The following WWOX variants were observed in gnomAD, a reference collection of about 807,000 sequenced individuals.
WWOX encodes WW domain-containing oxidoreductase.
In WWOX, 69 loss-of-function variants were observed where a neutral mutation model predicts 46.2. The ratio of observed to expected loss-of-function variants is 1.49; its 90% confidence interval spans 1.23 to 1.82. The LOEUF is 1.82. Ranked by LOEUF, WWOX falls within the 40% of genes most tolerant of loss-of-function variation. The pLI is 0.00. For synonymous variants in WWOX, 359 were observed against 202.6 expected (o/e 1.77, Z -6.56); for missense variants, 919 against 542.6 (o/e 1.69, Z -6.89).
At chr16:78,540,301 A>G (rs1274777674) in intron 8 of WWOX, among the ~76,000 whole-genome samples, 1 of 151,672 alleles carries the variant, frequency 6.6e-6, no homozygotes, top group African/African-American at 2.4e-5. Flanking sequence ...GTGCAGGGTT[A>G]TCATGTATCT....
At chr16:79,189,781 T>C (rs966903788) in intron 8 of WWOX, among the ~76,000 whole-genome samples, 1 of 151,872 alleles carries the variant, frequency 6.6e-6, no homozygotes, top group Non-Finnish European at 1.5e-5. Context: ...TACACAGTTG[T>C]TACCTGCTCC....
At chr16:78,885,839 C>T (rs1013310452) in intron 8 of WWOX, among the ~76,000 whole-genome samples, 1 of 151,894 alleles carries the variant, frequency 6.6e-6, no homozygotes. Context: ...GCTGGCTTAC[C>T]TGCTGTATAA....
In WWOX at chr16:78,424,993, C is replaced by T; in HGVS notation, c.729C>T (p.Leu243=). ...HLGHFYLVQL[L]QDVLCRSAPA... is the part of the protein sequence containing the mutation. ...GGCACTTCTACCTTGTCCAGCTCCT[C>T]CAGGATGTTTTGTGCCGCTCAGCTC... The change falls in exon 7 of 9, where the codon CTC becomes CTT. Residue 243 remains leucine (L), a synonymous_variant. Coordinates refer to ENST00000566780, the MANE Select transcript of WWOX (RefSeq NM_016373.4). The T allele has an allele frequency of 6.2e-7, 1 of 1,614,158 alleles. No individual in the cohort carries two copies. The highest frequency in any genetic ancestry group is 8.5e-7 in the Non-Finnish European group (1 of 1,180,026).
At chr16:78,482,795 C>T (rs537131416) in intron 8 of WWOX, among the ~76,000 whole-genome samples, 5 of 152,230 alleles carry the variant, frequency 3.3e-5, no homozygotes, top group Admixed American at 1.3e-4. Context: ...AGACGCAGAA[C>T]GTATGTTTCA....
intron 6 of WWOX, among the ~76,000 whole-genome samples, chr16:78,402,660 C>G (rs75797589): frequency 1.6e-4 from 24 of 152,230 alleles, no homozygotes; most frequent in African/African-American, 5.8e-4. Context: ...GAGAAACTTA[C>G]AAGTCCACGA....
intron 8 of WWOX, among the ~76,000 whole-genome samples, chr16:78,616,572 C>G (rs1364324408): frequency 6.6e-6 from 1 of 151,662 alleles, no homozygotes; most frequent in Non-Finnish European, 1.5e-5. Context: ...GAGGTCGAGA[C>G]CAGCCTGGCT....
At chr16:79,119,255 G>T (rs2150672110) in intron 8 of WWOX, among the ~76,000 whole-genome samples, 1 of 152,180 alleles carries the variant, frequency 6.6e-6, no homozygotes, top group Non-Finnish European at 1.5e-5. Flanking sequence ...TGGGTTGAAA[G>T]AAGCAAATTT....
chr16:79,038,196 C>A (rs1014147046), intron 8 of WWOX, among the ~76,000 whole-genome samples: 4 of 152,102 alleles, frequency 2.6e-5, no homozygotes, highest in Non-Finnish European at 4.4e-5. Context: ...TCAGCTCACA[C>A]CCTGTTGGCC....
intron 8 of WWOX, among the ~76,000 whole-genome samples, chr16:79,198,677 C>T (rs1425733139): frequency 6.6e-6 from 1 of 152,194 alleles, no homozygotes; most frequent in Non-Finnish European, 1.5e-5. Flanking sequence ...ATTTCCCCAC[C>T]CCTACGTAGT....
chr16:78,958,623 A>G (rs879658064), intron 8 of WWOX, among the ~76,000 whole-genome samples: 1 of 152,228 alleles, frequency 6.6e-6, no homozygotes, highest in Non-Finnish European at 1.5e-5. Flanking sequence ...ATGCGAGTCC[A>G]TCCTTTTACC....
At chr16:79,177,077 C>T (rs1223958350) in intron 8 of WWOX, among the ~76,000 whole-genome samples, 3 of 152,158 alleles carry the variant, frequency 2.0e-5, no homozygotes, top group African/African-American at 2.4e-5. Flanking sequence ...AAAGTCCTTT[C>T]GAATATAAAA....
At chr16:78,455,345 T>C (rs1406624564) in intron 8 of WWOX, among the ~76,000 whole-genome samples, 1 of 152,028 alleles carries the variant, frequency 6.6e-6, no homozygotes, top group Non-Finnish European at 1.5e-5. Flanking sequence ...TAATCTAATA[T>C]TTTAAAAAAT....
rs542549461 is a variant in WWOX, at chr16:78,695,085, T to C, written c.1056+262333T>C. 7.6e-4 allele frequency among the ~76,000 whole-genome samples: 116 copies of C among 152,320 alleles called. 2 individuals are homozygous for C. The South Asian group carries it at 0.02, about 26-fold the overall frequency. ...AATATTATTGATCTAGACTGCCTGCTACTTTCATTTACCATGTTACTACTC... is the reference window on the plus strand; with the variant it reads ...AATATTATTGATCTAGACTGCCTGCCACTTTCATTTACCATGTTACTACTC... On this transcript the variant is annotated intron_variant, in intron 8 of 8. Coordinates refer to ENST00000566780, the MANE Select transcript of WWOX (RefSeq NM_016373.4).
intron 8 of WWOX, among the ~76,000 whole-genome samples, chr16:78,456,866 T>C (rs1159058543): frequency 6.6e-6 from 1 of 152,256 alleles, no homozygotes; most frequent in Non-Finnish European, 1.5e-5. Flanking sequence ...AAATTTGCAA[T>C]GCATCAGATG....
At chr16:78,402,920 C>G (rs2082446399) in intron 6 of WWOX, among the ~76,000 whole-genome samples, 1 of 152,168 alleles carries the variant, frequency 6.6e-6, no homozygotes, top group South Asian at 2.1e-4. Context: ...GAGCCAAGTG[C>G]CATTCTCCAG....
chr16:78,939,800 C>A (rs1479508046), intron 8 of WWOX, among the ~76,000 whole-genome samples: 1 of 152,204 alleles, frequency 6.6e-6, no homozygotes, highest in Non-Finnish European at 1.5e-5. Context: ...CCCCTTTTAG[C>A]CTGCCTCCCT....
At chr16:78,957,282 A>G (rs1369095097) in intron 8 of WWOX, among the ~76,000 whole-genome samples, 1 of 152,212 alleles carries the variant, frequency 6.6e-6, no homozygotes, top group Non-Finnish European at 1.5e-5. Flanking sequence ...ATGCGTGACG[A>G]CCAGATAATT....
At chr16:78,793,648 A>C (rs1473483691) in intron 8 of WWOX, among the ~76,000 whole-genome samples, 1 of 152,194 alleles carries the variant, frequency 6.6e-6, no homozygotes, top group Non-Finnish European at 1.5e-5. Context: ...AGCAAAAAAA[A>C]CTTTTTTTCA....
At chr16:78,970,593 A>G (rs2151322630) in intron 8 of WWOX, among the ~76,000 whole-genome samples, 1 of 152,326 alleles carries the variant, frequency 6.6e-6, no homozygotes, top group Non-Finnish European at 1.5e-5. Flanking sequence ...TTCAAGGTAG[A>G]AGGAACAGTA....
Sources: allele counts gnomAD v4.1 joint callset (sites outside exome capture counted in the v4.1 genomes callset), GRCh38; gene constraint gnomAD v4.1.1; transcripts MANE v1.5; gene names NCBI Gene and HGNC (gene_info 2026-07-23, HGNC 2026-07-21).